The following DPYD variants were observed in gnomAD, a reference collection of about 807,000 sequenced individuals.
DPYD encodes dihydropyrimidine dehydrogenase, also known as dihydropyrimidine dehydrogenase [NADP(+)].
DPYD carries 109 observed loss-of-function variants against 116.2 expected under a neutral mutation model. The observed-to-expected ratio is 0.94, with a 90% CI of 0.80 to 1.10. The LOEUF (loss-of-function observed/expected upper bound fraction) is 1.10. Among genes scored for constraint, DPYD ranks in the 50% least tolerant of loss-of-function variants. The pLI, the probability that DPYD is intolerant of heterozygous loss-of-function variation, is 0.00. For missense variants in DPYD, 1,302 were observed against 1,254.5 expected, an observed-to-expected ratio of 1.04 and a Z score of -0.57; for synonymous variants, 440 against 432.0, an observed-to-expected ratio of 1.02 and a Z score of -0.23.
intron 13 of DPYD, among the ~76,000 whole-genome samples, chr1:97,514,667 C>A (rs537236428): frequency 1.3e-5 from 2 of 151,810 alleles, no homozygotes; most frequent in Admixed American, 6.6e-5. Flanking sequence ...AAAATAACTT[C>A]TCTTTAAATA....
At position 97,800,472 on chromosome 1, in the gene DPYD, T is replaced by A. The variant is rs145710993; in HGVS notation, c.233+27642A>T. 3.0e-3 allele frequency among the ~76,000 whole-genome samples: 463 copies of A among 152,036 alleles called. 2 individuals carry two copies. The highest frequency in any genetic ancestry group is 0.01 in the African/African-American group (436 of 41,532). ...CTAACCTCTGTCACAGATCGAGCTCTCAACACTGCACAGCAATGGAACTTA... is the reference window on the plus strand; with the variant it reads ...CTAACCTCTGTCACAGATCGAGCTCACAACACTGCACAGCAATGGAACTTA... On this transcript the variant is annotated intron_variant, in intron 3 of 22. Transcript: ENST00000370192.
At chr1:97,784,895 T>C (rs1666939924) in intron 3 of DPYD, among the ~76,000 whole-genome samples, 1 of 152,222 alleles carries the variant, frequency 6.6e-6, no homozygotes, top group African/African-American at 2.4e-5. Context: ...AGAATTTTAA[T>C]GACAAACAGA....
chr1:97,540,840 A>C (rs1441900536), intron 12 of DPYD, among the ~76,000 whole-genome samples: 2 of 152,134 alleles, frequency 1.3e-5, no homozygotes, highest in African/African-American at 2.4e-5. Flanking sequence ...ACTCATTAGC[A>C]TACACACACA....
chr1:97,215,148 C>A (rs535006781), intron 19 of DPYD, among the ~76,000 whole-genome samples: 16 of 152,236 alleles, frequency 1.1e-4, no homozygotes, highest in Non-Finnish European at 1.8e-4. Flanking sequence ...GGTTGTGAAT[C>A]CTCACAACCA....
At chr1:97,640,840 A>T (rs950485509) in intron 8 of DPYD, among the ~76,000 whole-genome samples, 2 of 152,178 alleles carry the variant, frequency 1.3e-5, no homozygotes, top group Non-Finnish European at 2.9e-5. Context: ...AAAGTCACAG[A>T]GGCCAAAACA....
chr1:97,474,616 A>G (rs1026266286), intron 13 of DPYD, among the ~76,000 whole-genome samples: 1 of 151,770 alleles, frequency 6.6e-6, no homozygotes, highest in African/African-American at 2.4e-5. Context: ...TTTCTGTCAC[A>G]GTTTAAGATT....
chr1:97,648,786 A>G (rs1658412088), intron 8 of DPYD, among the ~76,000 whole-genome samples: 1 of 152,054 alleles, frequency 6.6e-6, no homozygotes, highest in Non-Finnish European at 1.5e-5. Flanking sequence ...TAACTTTAAA[A>G]AAATAGAACA....
At chr1:97,548,456 G>T (rs1266092776) in intron 12 of DPYD, among the ~76,000 whole-genome samples, 1 of 152,136 alleles carries the variant, frequency 6.6e-6, no homozygotes, top group Non-Finnish European at 1.5e-5. Flanking sequence ...ACAACTGAAG[G>T]CTGGGCACGG....
intron 11 of DPYD, among the ~76,000 whole-genome samples, chr1:97,550,237 T>A (rs1651218646): frequency 6.6e-6 from 1 of 152,072 alleles, no homozygotes; most frequent in South Asian, 2.1e-4. Flanking sequence ...ACAACATATA[T>A]AACATTTTCA....
intron 11 of DPYD, among the ~76,000 whole-genome samples, chr1:97,552,525 G>A (rs1651400858): frequency 6.6e-6 from 1 of 151,930 alleles, no homozygotes; most frequent in South Asian, 2.1e-4. Context: ...GCACTCTTCT[G>A]CTCATGGGCA....
chr1:97,671,538 G>A (rs917576557), intron 8 of DPYD, among the ~76,000 whole-genome samples: 2 of 152,162 alleles, frequency 1.3e-5, no homozygotes, highest in Non-Finnish European at 2.9e-5. Flanking sequence ...TGCTTGGAAA[G>A]ATGCATGAAT....
chr1:97,674,117 G>A (rs1660017142), intron 8 of DPYD, among the ~76,000 whole-genome samples: 1 of 152,140 alleles, frequency 6.6e-6, no homozygotes, highest in Non-Finnish European at 1.5e-5. Context: ...CTTTTGTTGT[G>A]TGAACAGTGG....
At chr1:97,706,505 C>T (rs1227560583) in intron 5 of DPYD, among the ~76,000 whole-genome samples, 2 of 152,032 alleles carry the variant, frequency 1.3e-5, no homozygotes, top group Non-Finnish European at 2.9e-5. Context: ...TAAAAATCTT[C>T]TTAATCTCCA....
At chr1:97,911,688 C>A (rs1432691245) in intron 1 of DPYD, among the ~76,000 whole-genome samples, 2 of 151,978 alleles carry the variant, frequency 1.3e-5, no homozygotes, top group Admixed American at 1.3e-4. Context: ...TAAAATAATT[C>A]TTTGAGAATC....
chr1:97,514,324 T>C (rs1648039370), intron 13 of DPYD: 1 of 832,774 alleles, frequency 1.2e-6, no homozygotes, highest in South Asian at 5.5e-5. Context: ...GAAGAAAACA[T>C]CAAATTCAAA....
At chr1:97,129,663 T>C (rs1463294538) in intron 20 of DPYD, among the ~76,000 whole-genome samples, 1 of 152,092 alleles carries the variant, frequency 6.6e-6, no homozygotes, top group Non-Finnish European at 1.5e-5. Flanking sequence ...AGTTTCTTAG[T>C]CAGTCTCTTT....
chr1:97,620,167 G>A (rs1247165031), intron 8 of DPYD, among the ~76,000 whole-genome samples: 3 of 151,924 alleles, frequency 2.0e-5, no homozygotes, highest in East Asian at 3.9e-4. Context: ...GCCATTTACT[G>A]GTGTTCCCAT....
chr1:97,094,424 C>CCTCA lies in DPYD; in HGVS notation c.2766+4061_2766+4064dup, dbSNP rs1045868210. 2.4e-4 allele frequency among the ~76,000 whole-genome samples: 36 copies of CCTCA among 152,060 alleles called. 1 individual carries two copies. Among genetic ancestry groups the CCTCA allele is most frequent in the African/African-American group, 8.4e-4 (35 of 41,426 alleles). On this transcript the variant is annotated intron_variant, in intron 21 of 22. Transcript: ENST00000370192. ...AGAATACGTAAGCAACACACTGAGG[C>CCTCA]CTCAGCATTATGTAAAGAATGTAAG...
At chr1:97,466,482 C>T (rs1009743440) in intron 13 of DPYD, among the ~76,000 whole-genome samples, 2 of 150,700 alleles carry the variant, frequency 1.3e-5, no homozygotes, top group East Asian at 2.0e-4. Context: ...AAGTAACAAT[C>T]GAGTCAGTCA....
Sources: gnomAD v4.1 joint callset for allele counts (sites outside exome capture counted in the v4.1 genomes callset) on GRCh38, gnomAD v4.1.1 for gene constraint, MANE v1.5 for transcripts, NCBI Gene and HGNC (gene_info 2026-07-23, HGNC 2026-07-21) for gene names.